The following PODXL variants were observed in gnomAD, a reference collection of about 807,000 sequenced individuals.
PODXL encodes the protein podocalyxin.
A neutral mutation model predicts 48.9 loss-of-function variants in PODXL; 20 were observed. The ratio of observed to expected loss-of-function variants is 0.41; its 90% confidence interval spans 0.29 to 0.59. The LOEUF (loss-of-function observed/expected upper bound fraction) is 0.59, where lower values mean the gene tolerates loss of function less well. Among genes scored for constraint, PODXL ranks in the 20% least tolerant of loss-of-function variants. PODXL has a pLI of 0.31. For missense variants in PODXL, 606 were observed against 675.1 expected (o/e 0.90, Z 1.13); for synonymous variants, 295 against 287.4 (o/e 1.03, Z -0.27).
chr7:131,513,181 T>A (rs980631276), intron 1 of PODXL, among the ~76,000 whole-genome samples: 2 of 152,024 alleles, frequency 1.3e-5, no homozygotes, highest in African/African-American at 4.8e-5. Flanking sequence ...CTTTGGGGAA[T>A]GCAGACTGGA....
intron 1 of PODXL, among the ~76,000 whole-genome samples, chr7:131,515,466 A>G (rs1438802134): frequency 6.6e-6 from 1 of 152,004 alleles, no homozygotes; most frequent in Non-Finnish European, 1.5e-5. Flanking sequence ...CAATGGTGCG[A>G]TCTCGGCTCA....
intron 1 of PODXL, among the ~76,000 whole-genome samples, chr7:131,537,068 G>C (rs1674628464): frequency 6.6e-6 from 1 of 152,174 alleles, no homozygotes; most frequent in Non-Finnish European, 1.5e-5. Flanking sequence ...GGAGGCTGCA[G>C]TGAGCCATAA....
chr7:131,533,925 G>A (rs1386394874), intron 1 of PODXL, among the ~76,000 whole-genome samples: 1 of 152,234 alleles, frequency 6.6e-6, no homozygotes, highest in African/African-American at 2.4e-5. Flanking sequence ...TTGGAGAGCA[G>A]GGTAATAAAA....
intron 1 of PODXL, among the ~76,000 whole-genome samples, chr7:131,538,557 A>G (rs1240671945): frequency 6.6e-6 from 1 of 152,072 alleles, no homozygotes; most frequent in Non-Finnish European, 1.5e-5. Context: ...TTCTAGATAC[A>G]TTCTTTGGAA....
At chr7:131,529,963 G>A (rs913098122) in intron 1 of PODXL, among the ~76,000 whole-genome samples, 11 of 45,114 alleles carry the variant, frequency 2.4e-4, no homozygotes, top group South Asian at 8.4e-4. Flanking sequence ...GAGGGCTTGC[G>A]CTGGGCCTCC....
chr7:131,523,611 G>A (rs540590740), intron 1 of PODXL, among the ~76,000 whole-genome samples: 29 of 147,218 alleles, frequency 2.0e-4, no homozygotes, highest in African/African-American at 6.0e-4. Flanking sequence ...GAACCCAGGC[G>A]GAGCTTGCAG....
intron 1 of PODXL, among the ~76,000 whole-genome samples, chr7:131,527,397 T>C (rs1344271684): frequency 1.3e-5 from 2 of 152,234 alleles, no homozygotes; most frequent in East Asian, 3.8e-4. Context: ...AAACAGAAGA[T>C]GTTACTAAAA....
intron 1 of PODXL, among the ~76,000 whole-genome samples, chr7:131,513,801 C>T (rs1439572672): frequency 6.6e-6 from 1 of 152,190 alleles, no homozygotes; most frequent in Non-Finnish European, 1.5e-5. Context: ...CATGTGGCCT[C>T]CAGCAATCCC....
Position 131,504,254 on chromosome 7 carries a change from C to T in PODXL, c.*57G>A, listed in dbSNP as rs1234293940. The T allele has an allele frequency of 2.7e-6, 4 of 1,466,670 alleles. No individual in the cohort carries two copies. 90.9% of individuals were successfully genotyped at this position (1,466,670 alleles called of 1,614,324 possible). On this transcript the variant is annotated 3_prime_UTR_variant, in exon 9 of 9. Coordinates refer to ENST00000378555, the MANE Select transcript of PODXL (RefSeq NM_001018111.3). Reference sequence around the variant, plus strand: ...CTTTCCCTTCCCCATCCAAACGGCACTTGGGGTGGTTGGTCTGGAGCTCTG... The same window carrying T: ...CTTTCCCTTCCCCATCCAAACGGCATTTGGGGTGGTTGGTCTGGAGCTCTG...
intron 1 of PODXL, among the ~76,000 whole-genome samples, chr7:131,549,937 C>G (rs1813963322): frequency 1.3e-5 from 2 of 152,160 alleles, no homozygotes; most frequent in Admixed American, 1.3e-4. Context: ...CCAACCTTAG[C>G]TGGGGGACCC....
rs546333568 is a variant in PODXL, at chr7:131,537,252, C to T, written c.100+19008G>A. Among the ~76,000 whole-genome samples the T allele has an allele frequency of 2.6e-5, 4 of 151,994 alleles. No individual in the cohort carries two copies. The South Asian group carries it at 6.2e-4, about 24-fold the overall frequency. ...GCGTGAGCCCAGGAGGTCGAGGCTG[C>T]AGTGAGCCATCATTGCAACACTGCA... On this transcript the variant is annotated intron_variant, in intron 1 of 8. Transcript: ENST00000378555.
intron 1 of PODXL, among the ~76,000 whole-genome samples, chr7:131,545,816 A>T (rs576188759): frequency 6.6e-6 from 1 of 152,388 alleles, no homozygotes; most frequent in South Asian, 2.1e-4. Context: ...CATTGAGAGC[A>T]TAACTATTAA....
chr7:131,528,597 T>C (rs1280013869), intron 1 of PODXL, among the ~76,000 whole-genome samples: 4 of 152,246 alleles, frequency 2.6e-5, no homozygotes, highest in Admixed American at 6.5e-5. Flanking sequence ...AGAACCACTA[T>C]GCTAGAGAAG....
intron 1 of PODXL, among the ~76,000 whole-genome samples, chr7:131,545,757 TG>T (rs1798565617): frequency 6.6e-6 from 1 of 152,234 alleles, no homozygotes; most frequent in Non-Finnish European, 1.5e-5. Flanking sequence ...AAGATCATAA[TG>T]TATTTTGACC....
intron 1 of PODXL, among the ~76,000 whole-genome samples, chr7:131,540,129 A>C (rs1584828605): frequency 6.6e-6 from 1 of 150,562 alleles, no homozygotes; most frequent in African/African-American, 2.4e-5. Flanking sequence ...TGCAGCTTCA[A>C]CCTCCTCCTG....
chr7:131,508,350 T>C (rs1387188084), intron 5 of PODXL, among the ~76,000 whole-genome samples: 1 of 152,216 alleles, frequency 6.6e-6, no homozygotes, highest in Non-Finnish European at 1.5e-5. Context: ...GGCTCTCAGA[T>C]AGTCCACAGA....
intron 1 of PODXL, among the ~76,000 whole-genome samples, chr7:131,555,752 A>T (rs956090745): frequency 1.3e-5 from 2 of 152,218 alleles, no homozygotes; most frequent in East Asian, 3.8e-4. Context: ...AAACCTCTGC[A>T]AACGGGTAAG....
At position 131,510,775 on chromosome 7, in the gene PODXL, C is replaced by T. The variant is rs1269473491; in HGVS notation, c.706+53G>A. ...GGCATGAGCCTTTTCAGAGCCATCA[C>T]GCCTGGCCCTGAAAAGTTTCTTGGT... is the stretch of plus-strand genomic sequence containing the variant. On this transcript the variant is annotated intron_variant, in intron 2 of 8. Transcript: ENST00000378555. The T allele has an allele frequency of 7.5e-6, 12 of 1,606,704 alleles. 1 individual carries two copies. The highest frequency in any genetic ancestry group is 4.5e-5 in the East Asian group (2 of 44,718).
intron 1 of PODXL, among the ~76,000 whole-genome samples, chr7:131,534,008 T>G (rs1347267902): frequency 1.3e-5 from 2 of 149,116 alleles, no homozygotes; most frequent in African/African-American, 4.9e-5. Context: ...ATGGCAGCTA[T>G]AATTATATTC....
Sources: gnomAD v4.1 joint callset for allele counts (sites outside exome capture counted in the v4.1 genomes callset) on GRCh38, gnomAD v4.1.1 for gene constraint, MANE v1.5 for transcripts, NCBI Gene and HGNC (gene_info 2026-07-23, HGNC 2026-07-21) for gene names.